The following SLCO1B3 variants were observed in gnomAD, a reference collection of about 807,000 sequenced individuals.
SLCO1B3 encodes the protein solute carrier organic anion transporter family member 1B3.
In SLCO1B3, 72 loss-of-function variants were observed where a neutral mutation model predicts 71.8. That is an observed-to-expected ratio of 1.00 (90% confidence interval 0.83 to 1.22). SLCO1B3 has a LOEUF of 1.22. SLCO1B3 is among the 50% of genes most tolerant of loss of function. The pLI is 0.00. For missense variants in SLCO1B3, 911 were observed against 819.7 expected (o/e 1.11, Z -1.36); for synonymous variants, 298 against 278.4 (o/e 1.07, Z -0.70).
In SLCO1B3 at chr12:20,815,805, C is replaced by A; in HGVS notation, c.67C>A (p.Arg23Ser). 1 of 1,592,040 alleles carries A rather than the reference C, an allele frequency of 6.3e-7. No individual in the cohort carries two copies. The highest frequency in any genetic ancestry group is 8.6e-7 in the Non-Finnish European group (1 of 1,167,226). ...SASSEKKKTR[R>S]CNGFKMFLAA... The stretch of plus-strand genomic sequence containing the variant: ...ATCTTCAGAGAAAAAGAAAACAAGA[C>A]GCTGCAATGGATTCAAGGTAGAATG... The change falls in exon 3 of 16, where the codon CGC becomes AGC. Residue 23 changes from arginine to serine, a missense_variant. Arg to Ser is a moderately radical substitution (Grantham distance 110). Coordinates refer to ENST00000381545, the MANE Select transcript of SLCO1B3 (RefSeq NM_019844.4).
In SLCO1B3 at chr12:20,911,993, G is replaced by A. The variant is rs374658426; in HGVS notation, c.1866-4011G>A. On this transcript the variant is annotated intron_variant, in intron 15 of 15. Transcript: ENST00000381545. ...GATTTAATTTGCTCTTCTTTTTCTAGTTTGCTAAGGTAAAAGATTAAATGA... is the reference window on the plus strand; with the variant it reads ...GATTTAATTTGCTCTTCTTTTTCTAATTTGCTAAGGTAAAAGATTAAATGA... Among the ~76,000 whole-genome samples, 130 of 151,902 alleles carry A rather than the reference G, an allele frequency of 8.6e-4. 2 individuals are homozygous for A. In the South Asian group the frequency reaches 0.025, roughly 29 times the overall value.
chr12:20,915,926 G>T (rs1866484122), intron 15 of SLCO1B3, 78 bp from the exon 16 acceptor site: 1 of 1,067,034 alleles, frequency 9.4e-7, no homozygotes. Context: ...TTTAAGATAT[G>T]CATACTGGGG....
intron 8 of SLCO1B3, 58 bp downstream of exon 8, chr12:20,862,912 C>A (rs1210537457): frequency 3.4e-6 from 3 of 886,132 alleles, no homozygotes; most frequent in Non-Finnish European, 5.4e-6. Flanking sequence ...GGACACCATT[C>A]TTCCAAAGAA....
At position 20,883,392 on chromosome 12, in the gene SLCO1B3, G is replaced by T. The variant is rs4149151; in HGVS notation, c.1498-26G>T. On this transcript the variant is annotated intron_variant, in intron 12 of 15. Coordinates refer to ENST00000381545, the MANE Select transcript of SLCO1B3 (RefSeq NM_019844.4). ...CCTGTTGTATTTGGCAAATGTATTT[G>T]TTAATATTTCAAAAACTATTTTTAG... 6.8e-3 allele frequency: 9,393 copies of T among 1,374,826 alleles called. 308 individuals are homozygous for T. The East Asian group carries it at 0.084, about 12-fold the overall frequency. The allele number at this position is 1,374,826 out of a possible 1,614,324, so 85.2% of individuals were successfully genotyped here. A position where few individuals can be genotyped will look rare whatever the true frequency, so the allele number is the denominator to read the frequency against.
At chr12:20,901,274 GTATCAA>G (rs1866126468) in intron 14 of SLCO1B3, 70 bp from the exon 15 acceptor site, 1 of 943,736 alleles carries the variant, frequency 1.1e-6, no homozygotes, top group Non-Finnish European at 1.6e-6. Flanking sequence ...AATCCAAAAT[GTATCAA>G]TATCGACTAT....
At chr12:20,876,299 G>A (rs1865577534) in intron 9 of SLCO1B3, among the ~76,000 whole-genome samples, 1 of 152,080 alleles carries the variant, frequency 6.6e-6, no homozygotes, top group Non-Finnish European at 1.5e-5. Flanking sequence ...AGCTGTCAGA[G>A]CAAGATATAT....
intron 15 of SLCO1B3, 110 bp downstream of exon 15, chr12:20,901,577 G>C (rs1352463474): frequency 8.5e-6 from 5 of 590,286 alleles, no homozygotes; most frequent in African/African-American, 3.8e-5. Context: ...CTACCATTTA[G>C]TGAACAATTA....
chr12:20,843,929 T>A (rs1443953825), intron 3 of SLCO1B3, among the ~76,000 whole-genome samples: 1 of 152,106 alleles, frequency 6.6e-6, no homozygotes, highest in African/African-American at 2.4e-5. Flanking sequence ...TGTCCCTATG[T>A]CTTTTGCTGG....
chr12:20,877,834 A>T lies in SLCO1B3; in HGVS notation c.1033A>T (p.Thr345Ser). The T allele has an allele frequency of 6.3e-7, 1 of 1,576,668 alleles. No homozygotes were observed. Among genetic ancestry groups the T allele is most frequent in the Non-Finnish European group, 8.6e-7 (1 of 1,162,528 alleles). Residue 345 changes from threonine to serine, a missense_variant, in exon 10 of 16, where the codon ACA becomes TCA. Thr to Ser is a moderately conservative substitution (Grantham distance 58). Coordinates refer to ENST00000381545, the MANE Select transcript of SLCO1B3 (RefSeq NM_019844.4). ...NPLYVIFLLL[T>S]LLQVSSFIGS... ...CCTGTATGTTATATTTCTGCTTTTG[A>T]CATTGTTACAAGTAAGCAGCTTTAT...
intron 3 of SLCO1B3, among the ~76,000 whole-genome samples, chr12:20,851,271 A>G (rs1332813305): frequency 1.3e-5 from 2 of 152,092 alleles, no homozygotes; most frequent in African/African-American, 4.8e-5. Flanking sequence ...TGGCAGCACT[A>G]TTTTACATTT....
intron 14 of SLCO1B3, 82 bp downstream of exon 14, chr12:20,898,582 A>G (rs1866065256): frequency 6.5e-6 from 4 of 611,192 alleles, no homozygotes; most frequent in South Asian, 2.6e-5. Flanking sequence ...TTAATTTTCA[A>G]CTATAAGACT....
At chr12:20,896,530 C>T (rs1210568517) in intron 13 of SLCO1B3, among the ~76,000 whole-genome samples, 1 of 152,174 alleles carries the variant, frequency 6.6e-6, no homozygotes, top group East Asian at 1.9e-4. Context: ...CCAACAAGTT[C>T]CTTATCTCCA....
intron 3 of SLCO1B3, among the ~76,000 whole-genome samples, chr12:20,826,234 T>TC (rs2121110409): frequency 6.6e-6 from 1 of 151,872 alleles, no homozygotes; most frequent in Non-Finnish European, 1.5e-5. Flanking sequence ...GTAAAACTTT[T>TC]TTTTTATAAT....
chr12:20,888,836 T>C (rs1208402433), intron 13 of SLCO1B3, among the ~76,000 whole-genome samples: 3 of 152,024 alleles, frequency 2.0e-5, no homozygotes, highest in Non-Finnish European at 4.4e-5. Flanking sequence ...GTCATATACA[T>C]GGTTTTTATT....
chr12:20,814,813 C>A (rs546036152), intron 2 of SLCO1B3, among the ~76,000 whole-genome samples: 1 of 151,590 alleles, frequency 6.6e-6, no homozygotes, highest in Admixed American at 6.6e-5. Context: ...AGGAGAATGG[C>A]GTGAACCTGG....
intron 3 of SLCO1B3, among the ~76,000 whole-genome samples, chr12:20,839,790 G>T (rs973544189): frequency 6.6e-6 from 1 of 152,100 alleles, no homozygotes; most frequent in East Asian, 1.9e-4. Flanking sequence ...CCTATTATGT[G>T]CATGTTGCTA....
intron 9 of SLCO1B3, 149 bp downstream of exon 9, chr12:20,875,626 A>T: frequency 2.4e-6 from 2 of 833,050 alleles, no homozygotes; most frequent in Non-Finnish European, 3.6e-6. Context: ...TAAAACTCCT[A>T]TTAAAATTAA....
chr12:20,870,337 A>ACCAGT (rs1865453918), intron 8 of SLCO1B3, among the ~76,000 whole-genome samples: 1 of 152,022 alleles, frequency 6.6e-6, no homozygotes, highest in South Asian at 2.1e-4. Flanking sequence ...TTTTAGTTTG[A>ACCAGT]CCAGTTCCAT....
At chr12:20,869,398 T>C (rs7968667) in intron 8 of SLCO1B3, among the ~76,000 whole-genome samples, 109,478 of 152,030 alleles carry the variant, frequency 0.72, 42,186 homozygotes, top group South Asian at 0.9. Context: ...GATTATAGAG[T>C]GAGGATTATT....
Sources: allele counts gnomAD v4.1 joint callset (sites outside exome capture counted in the v4.1 genomes callset), GRCh38; gene constraint gnomAD v4.1.1; transcripts MANE v1.5; gene names NCBI Gene and HGNC (gene_info 2026-07-23, HGNC 2026-07-21).